The following SLC22A3 variants were observed in gnomAD, a reference collection of about 807,000 sequenced individuals.
SLC22A3 encodes EMT organic cation transporter 3.
A neutral mutation model predicts 59.1 loss-of-function variants in SLC22A3; 51 were observed. The observed-to-expected ratio is 0.86, with a 90% confidence interval of 0.69 to 1.09. The LOEUF is 1.09. SLC22A3 is among the 50% of genes least tolerant of loss of function. The probability of loss-of-function intolerance (pLI) is 0.00; values close to 1 mark genes in which losing one functional copy is unlikely to be tolerated. For missense variants in SLC22A3, 711 were observed against 726.3 expected, an observed-to-expected ratio of 0.98 and a Z score of 0.24; for synonymous variants, 325 against 292.0, an observed-to-expected ratio of 1.11 and a Z score of -1.15.
At chr6:160,432,498 G>T (rs139890298) in intron 5 of SLC22A3, among the ~76,000 whole-genome samples, 1 of 147,338 alleles carries the variant, frequency 6.8e-6, no homozygotes, top group Non-Finnish European at 1.5e-5. Flanking sequence ...GCACGATCTC[G>T]GCTCACTGCA....
At chr6:160,364,328 C>T (rs769203115) in intron 1 of SLC22A3, among the ~76,000 whole-genome samples, 7 of 152,176 alleles carry the variant, frequency 4.6e-5, no homozygotes, top group African/African-American at 9.7e-5. Flanking sequence ...CTGCTGCTTA[C>T]GCTTTCTTCT....
At position 160,437,167 on chromosome 6, in the gene SLC22A3, T is replaced by C. The variant is rs1218089519; in HGVS notation, c.1244T>C (p.Ile415Thr). 2.5e-6 allele frequency: 4 copies of C among 1,614,178 alleles called. 1 individual carries two copies. In the South Asian group the frequency reaches 4.4e-5, roughly 18 times the overall value. ...GRRLPFAASN[I>T]VAGVACLVTA... The stretch of plus-strand genomic sequence containing the variant: ...CGCCTCCCCTTTGCGGCAAGCAATA[T>C]AGTGGCAGGGGTGGCATGCCTTGTC... The change falls in exon 7 of 11, where the codon ATA becomes ACA. Residue 415 changes from isoleucine to threonine, a missense_variant. Coordinates refer to ENST00000275300, the MANE Select transcript of SLC22A3 (RefSeq NM_021977.4).
At position 160,359,117 on chromosome 6, in the gene SLC22A3, AG is replaced by A. The variant is rs533747570; in HGVS notation, c.429+10270del. On this transcript the variant is annotated intron_variant, in intron 1 of 10. Transcript: ENST00000275300. The stretch of plus-strand genomic sequence containing the variant: ...AATTTACCTTATGTTGTTTGTGGGC[AG>A]TTGCAATGGTCCTATAGGCAATGAA... 3.1e-3 allele frequency among the ~76,000 whole-genome samples: 476 copies of A among 152,320 alleles called. 2 individuals carry two copies. Among genetic ancestry groups the A allele is most frequent in the African/African-American group, 0.011 (463 of 41,568 alleles).
rs370551173 is a variant in SLC22A3, at chr6:160,350,600, TGA to T, written c.429+1753_429+1754del. 3.5e-4 allele frequency among the ~76,000 whole-genome samples: 54 copies of T among 152,302 alleles called. No individual in the cohort carries two copies. In the East Asian group the frequency reaches 9.8e-3, roughly 28 times the overall value. On this transcript the variant is annotated intron_variant, in intron 1 of 10. Coordinates refer to ENST00000275300, the MANE Select transcript of SLC22A3 (RefSeq NM_021977.4). ...AGGACCCACATGGAGGGCAGACAGC[TGA>T]TTTTTGGAGACATTTAAAGATGAAG...
intron 5 of SLC22A3, among the ~76,000 whole-genome samples, chr6:160,412,521 A>G (rs1456403119): frequency 6.6e-6 from 1 of 152,204 alleles, no homozygotes; most frequent in Non-Finnish European, 1.5e-5. Context: ...TCACTGGTGC[A>G]ATGGTGCAAG....
chr6:160,365,244 T>C (rs1193191764), intron 1 of SLC22A3, among the ~76,000 whole-genome samples: 2 of 152,194 alleles, frequency 1.3e-5, no homozygotes, highest in Non-Finnish European at 2.9e-5. Context: ...TAAGTCATTA[T>C]TTTCCCCTAT....
In SLC22A3 at chr6:160,431,662, T is replaced by C. The variant is rs76901568; in HGVS notation, c.976-5118T>C. Among the ~76,000 whole-genome samples the C allele has an allele frequency of 2.5e-3, 379 of 152,278 alleles. 9 individuals carry two copies. The East Asian group carries it at 0.055, about 22-fold the overall frequency. On this transcript the variant is annotated intron_variant, in intron 5 of 10. Coordinates refer to ENST00000275300, the MANE Select transcript of SLC22A3 (RefSeq NM_021977.4). ...CACTCTGTTTTAACTTCTAAAAGTTTGAAATTAAGACTTATACCAGGTATT... is the reference window on the plus strand; with the variant it reads ...CACTCTGTTTTAACTTCTAAAAGTTCGAAATTAAGACTTATACCAGGTATT...
intron 10 of SLC22A3, among the ~76,000 whole-genome samples, 194 bp from the exon 11 acceptor site, chr6:160,450,802 G>A (rs1189276334): frequency 1.4e-5 from 1 of 73,544 alleles, no homozygotes; most frequent in Non-Finnish European, 2.6e-5. Flanking sequence ...CAGGGTCCTT[G>A]ACTTCCTGCA....
At chr6:160,358,031 T>G (rs1408146315) in intron 1 of SLC22A3, among the ~76,000 whole-genome samples, 1 of 152,202 alleles carries the variant, frequency 6.6e-6, no homozygotes, top group African/African-American at 2.4e-5. Flanking sequence ...GTTGAATACA[T>G]TATAAAACCA....
intron 1 of SLC22A3, among the ~76,000 whole-genome samples, chr6:160,363,163 A>AG (rs1347868088): frequency 6.6e-6 from 1 of 152,220 alleles, no homozygotes; most frequent in Non-Finnish European, 1.5e-5. Flanking sequence ...AGAGGCTGGA[A>AG]GGGGGCGATG....
chr6:160,417,903 T>C (rs947020883), intron 5 of SLC22A3, among the ~76,000 whole-genome samples: 2 of 152,186 alleles, frequency 1.3e-5, no homozygotes, highest in Non-Finnish European at 2.9e-5. Flanking sequence ...TAGCAAAGCT[T>C]CCTCAAACCT....
intron 5 of SLC22A3, among the ~76,000 whole-genome samples, chr6:160,416,349 G>C (rs1787491168): frequency 6.6e-6 from 1 of 152,154 alleles, no homozygotes; most frequent in Admixed American, 6.5e-5. Context: ...TCAGTGGATG[G>C]GTAGAATTTT....
At chr6:160,423,401 C>T (rs1583500027) in intron 5 of SLC22A3, among the ~76,000 whole-genome samples, 2 of 152,316 alleles carry the variant, frequency 1.3e-5, no homozygotes, top group Non-Finnish European at 1.5e-5. Flanking sequence ...CTTGAGGAAT[C>T]GCCACACTGT....
chr6:160,390,923 C>T (rs1786230064), intron 1 of SLC22A3, among the ~76,000 whole-genome samples: 1 of 152,100 alleles, frequency 6.6e-6, no homozygotes, highest in Admixed American at 6.5e-5. Context: ...CTGTTCCATG[C>T]CCCTCTCCTG....
intron 5 of SLC22A3, among the ~76,000 whole-genome samples, chr6:160,424,630 T>G (rs1787881182): frequency 6.6e-6 from 1 of 152,180 alleles, no homozygotes; most frequent in South Asian, 2.1e-4. Context: ...AGGGACAAAT[T>G]CTGCATGTTA....
At position 160,435,093 on chromosome 6, in the gene SLC22A3, G is replaced by T. The variant is rs531452198; in HGVS notation, c.976-1687G>T. Among the ~76,000 whole-genome samples, 11 of 152,268 alleles carry T rather than the reference G, an allele frequency of 7.2e-5. No individual in the cohort carries two copies. In the South Asian group the frequency reaches 2.3e-3, roughly 32 times the overall value. On this transcript the variant is annotated intron_variant, in intron 5 of 10. Coordinates refer to ENST00000275300, the MANE Select transcript of SLC22A3 (RefSeq NM_021977.4). The stretch of plus-strand genomic sequence containing the variant: ...CCCCTACAACCACCTCATTGCTGAG[G>T]TCTTAATCACAGTGCCACTCACAGT...
rs1042684788 is a variant in SLC22A3 at position 160,397,226 on chromosome 6, G to A, written c.430-753G>A. On this transcript the variant is annotated intron_variant, in intron 1 of 10. Coordinates refer to ENST00000275300, the MANE Select transcript of SLC22A3 (RefSeq NM_021977.4). ...TTAGTTAGATTCTCATAAGAAGTGCGCAACCGAGATTTCATGCGCCGCCCA... is the reference window on the plus strand; with the variant it reads ...TTAGTTAGATTCTCATAAGAAGTGCACAACCGAGATTTCATGCGCCGCCCA... Among the ~76,000 whole-genome samples the A allele has an allele frequency of 2.6e-5, 4 of 152,054 alleles. No homozygotes were observed. The South Asian group carries it at 6.2e-4, about 24-fold the overall frequency.
At chr6:160,398,125 A>G (rs754090764) in intron 2 of SLC22A3, 43 bp downstream of exon 2, 2 of 1,342,992 alleles carry the variant, frequency 1.5e-6, no homozygotes, top group East Asian at 2.3e-5. Context: ...CTATAATACC[A>G]TGCATTAATA....
chr6:160,449,702 A>C (rs555303186), intron 10 of SLC22A3, among the ~76,000 whole-genome samples: 17 of 152,328 alleles, frequency 1.1e-4, no homozygotes, highest in African/African-American at 3.8e-4. Context: ...TATCAGAGGA[A>C]CCAGCCCCCA....
Sources: gnomAD v4.1 joint callset for allele counts (sites outside exome capture counted in the v4.1 genomes callset) on GRCh38, gnomAD v4.1.1 for gene constraint, MANE v1.5 for transcripts, NCBI Gene and HGNC (gene_info 2026-07-23, HGNC 2026-07-21) for gene names.